Variants in CYP27C1 observed in about 807,000 individuals in gnomAD.
The protein encoded by CYP27C1 is cytochrome P450 27C1.
In CYP27C1, 29 loss-of-function variants were observed where a neutral mutation model predicts 40.6. That is an observed-to-expected ratio of 0.71 (90% confidence interval 0.53 to 0.97). CYP27C1 has a LOEUF of 0.97. CYP27C1 is among the 50% of genes least tolerant of loss of function. The pLI is 0.00. For missense variants in CYP27C1, 390 were observed against 485.8 expected (o/e 0.80, Z 1.85); for synonymous variants, 198 against 186.8 (o/e 1.06, Z -0.49).
rs2089109 is a variant in CYP27C1 at position 127,193,882 on chromosome 2, G to A, written c.1215-15C>T. ...CTGGAAACAGCCTGGAAAAGAGCCA[G>A]CGGGGACGGGAATGGCGTGGTGACT... On this transcript the variant is annotated splice_polypyrimidine_tract_variant and intron_variant, in intron 6 of 8. Transcript: ENST00000664447. The A allele has an allele frequency of 0.42, 682,414 of 1,613,104 alleles. 148,039 individuals are homozygous for A. Among genetic ancestry groups the A allele is most frequent in the Admixed American group, 0.62 (37,168 of 59,916 alleles).
chr2:127,188,273 C>T (rs890307244), intron 8 of CYP27C1, among the ~76,000 whole-genome samples: 1 of 152,196 alleles, frequency 6.6e-6, no homozygotes, highest in Non-Finnish European at 1.5e-5. Flanking sequence ...CCAGAATGGG[C>T]TGGGGCTCCA....
intron 3 of CYP27C1, among the ~76,000 whole-genome samples, chr2:127,202,524 G>A (rs138035500): frequency 2.6e-5 from 4 of 152,248 alleles, no homozygotes; most frequent in East Asian, 1.9e-4. Context: ...ATTCACATGC[G>A]TTTTTCTGTA....
intron 2 of CYP27C1, among the ~76,000 whole-genome samples, chr2:127,204,594 A>AAGCAAGC (rs1558931487): frequency 6.2e-5 from 6 of 96,086 alleles, no homozygotes; most frequent in African/African-American, 2.3e-4. Context: ...AGAAAGAAAG[A>AAGCAAGC]AAGAAAGAAA....
Position 127,184,943 on chromosome 2 carries a change from C to G in CYP27C1, c.*2328G>C, listed in dbSNP as rs1682584643. ...TAAGCAATCCTCCAGCCTCAGCCTC[C>G]CAAATAGCTAGGACTACAGGCATGC... On this transcript the variant is annotated 3_prime_UTR_variant, in exon 9 of 9. Transcript: ENST00000664447. 1 of 152,290 alleles carries G rather than the reference C, an allele frequency of 6.6e-6. No homozygotes were observed. The highest frequency in any genetic ancestry group is 2.1e-4 in the South Asian group (1 of 4,836). The allele number at this position is 152,290 out of a possible 1,614,324, so 9.4% of individuals were successfully genotyped here. A position where few individuals can be genotyped will look rare whatever the true frequency, so the allele number is the denominator to read the frequency against.
chr2:127,219,176 T>A lies in CYP27C1; in HGVS notation c.282+813A>T, dbSNP rs1034027608. Among the ~76,000 whole-genome samples the A allele has an allele frequency of 2.0e-5, 3 of 151,880 alleles. No individual in the cohort carries two copies. Among genetic ancestry groups the A allele is most frequent in the African/African-American group, 4.8e-5 (2 of 41,298 alleles). Reference sequence around the variant, plus strand: ...ATGAATACACACGGTCTCGGCCACCTAAGGACACCGAGCTCCGCAGAGCCT... The same window carrying A: ...ATGAATACACACGGTCTCGGCCACCAAAGGACACCGAGCTCCGCAGAGCCT... On this transcript the variant is annotated intron_variant, in intron 1 of 8. Coordinates refer to ENST00000664447, the MANE Select transcript of CYP27C1 (RefSeq NM_001367502.1). The surrounding 1 kb of genome is among the most constrained non-coding windows in gnomAD (Gnocchi z 8.7).
chr2:127,195,708 G>GT lies in CYP27C1; in HGVS notation c.1048-208dup, dbSNP rs2104679866. ...TAAATAAATAAATAAATAACTGAAC[G>GT]TATTTGGCAAGTGACATTGACTCTA... is the stretch of plus-strand genomic sequence containing the variant. On this transcript the variant is annotated intron_variant, in intron 5 of 8. Coordinates refer to ENST00000664447, the MANE Select transcript of CYP27C1 (RefSeq NM_001367502.1). This position sits in a 1 kb window ranked among gnomAD's most constrained non-coding sequence, Gnocchi z 6.2. Among the ~76,000 whole-genome samples the GT allele has an allele frequency of 6.6e-6, 1 of 152,206 alleles. No homozygotes were observed. The highest frequency in any genetic ancestry group is 2.4e-5 in the African/African-American group (1 of 41,532).
At chr2:127,193,370 C>G in intron 7 of CYP27C1, 73 bp from the exon 8 acceptor site, 1 of 1,582,594 alleles carries the variant, frequency 6.3e-7, no homozygotes, top group Non-Finnish European at 8.6e-7. Flanking sequence ...GCCCAGAGCC[C>G]TAGCCGGACA....
Position 127,204,302 on chromosome 2 carries a change from A to AAAGG in CYP27C1, c.474-735_474-732dup, listed in dbSNP as rs758547817. 4.3e-3 allele frequency among the ~76,000 whole-genome samples: 328 copies of AAAGG among 76,602 alleles called. 4 individuals are homozygous for AAAGG. The highest frequency in any genetic ancestry group is 5.9e-3 in the Non-Finnish European group (252 of 42,794). 50.3% of individuals were successfully genotyped at this position (76,602 alleles called of 152,430 possible). A position where few individuals can be genotyped will look rare whatever the true frequency, so the allele number is the denominator to read the frequency against. ...AAAGAAAGAGAGAGAGAGAGAGAGA[A>AAAGG]AAGGAAGGAAGGAAGGAAGGAGGGA... On this transcript the variant is annotated intron_variant, in intron 2 of 8. Coordinates refer to ENST00000664447, the MANE Select transcript of CYP27C1 (RefSeq NM_001367502.1).
At chr2:127,199,727 A>T (rs1318196304) in intron 4 of CYP27C1, among the ~76,000 whole-genome samples, 188 bp from the exon 5 acceptor site, 2 of 152,250 alleles carry the variant, frequency 1.3e-5, no homozygotes, top group Non-Finnish European at 2.9e-5. Context: ...ATGAATGAAA[A>T]GTTAAAAGAC....
chr2:127,198,211 A>ACACACG (rs1276568709), intron 5 of CYP27C1, among the ~76,000 whole-genome samples: 1 of 151,362 alleles, frequency 6.6e-6, no homozygotes, highest in African/African-American at 2.4e-5. Flanking sequence ...ACACACACAC[A>ACACACG]CACGCACTCA....
intron 8 of CYP27C1, 83 bp from the exon 9 acceptor site, chr2:127,187,470 G>T: frequency 8.0e-7 from 1 of 1,243,888 alleles, no homozygotes; most frequent in Non-Finnish European, 1.2e-6. Context: ...TACTCTTCCT[G>T]TGGCGGCACT....
At position 127,214,825 on chromosome 2, in the gene CYP27C1, A is replaced by T. The variant is rs577388747; in HGVS notation, c.282+5164T>A. ...GGTTTTTTTTTTTTTAGAGGAAATT[A>T]AAAAAAAAAAGACTTAGTACAGGCC... On this transcript the variant is annotated intron_variant, in intron 1 of 8. Coordinates refer to ENST00000664447, the MANE Select transcript of CYP27C1 (RefSeq NM_001367502.1). Among the ~76,000 whole-genome samples, 15 of 127,018 alleles carry T rather than the reference A, an allele frequency of 1.2e-4. No homozygotes were observed. In the South Asian group the frequency reaches 2.3e-3, roughly 20 times the overall value. 83.3% of individuals were successfully genotyped at this position (127,018 alleles called of 152,430 possible).
chr2:127,215,128 CAAAAA>C (rs3033461), intron 1 of CYP27C1, among the ~76,000 whole-genome samples: 1 of 120,984 alleles, frequency 8.3e-6, no homozygotes. Context: ...GACTCCATCT[CAAAAA>C]AAAAAAAAAA....
At position 127,196,040 on chromosome 2, in the gene CYP27C1, A is replaced by G. The variant is rs905755309; in HGVS notation, c.1048-539T>C. ...AGTAAGGTCCACACAGAGCAAGTCA[A>G]TAACTCGTCTATGCAAAGCAGTGTC... On this transcript the variant is annotated intron_variant, in intron 5 of 8. Transcript: ENST00000664447. The surrounding 1 kb of genome is among the most constrained non-coding windows in gnomAD (Gnocchi z 4.5). Among the ~76,000 whole-genome samples, 5 of 151,234 alleles carry G rather than the reference A, an allele frequency of 3.3e-5. No individual in the cohort carries two copies. The highest frequency in any genetic ancestry group is 5.9e-5 in the Non-Finnish European group (4 of 67,932).
intron 2 of CYP27C1, 60 bp downstream of exon 2, chr2:127,205,839 AG>A (rs566452293): frequency 1.6e-5 from 13 of 808,658 alleles, no homozygotes; most frequent in Non-Finnish European, 1.9e-5. Context: ...GCTTTGGAGG[AG>A]GGGGCCTCCC....
intron 8 of CYP27C1, among the ~76,000 whole-genome samples, chr2:127,190,890 G>A (rs747714964): frequency 1.9e-4 from 27 of 143,090 alleles, no homozygotes; most frequent in African/African-American, 5.2e-4. Context: ...GAGTTGCAGC[G>A]ACCCGAGATT....
chr2:127,187,524 T>C (rs1029349622), intron 8 of CYP27C1, 137 bp from the exon 9 acceptor site: 16 of 705,960 alleles, frequency 2.3e-5, no homozygotes, highest in Admixed American at 4.9e-5. Flanking sequence ...ATCCAGCTTT[T>C]GGAGGCTACA....
At chr2:127,216,021 T>C (rs1683424225) in intron 1 of CYP27C1, among the ~76,000 whole-genome samples, 1 of 152,090 alleles carries the variant, frequency 6.6e-6, no homozygotes, top group Admixed American at 6.5e-5. Flanking sequence ...ATGGCCATAA[T>C]CAAAAGGACA....
At chr2:127,212,560 A>G (rs1683359073) in intron 1 of CYP27C1, among the ~76,000 whole-genome samples, 1 of 152,262 alleles carries the variant, frequency 6.6e-6, no homozygotes, top group Non-Finnish European at 1.5e-5. Context: ...AACCAAGGAC[A>G]AAAACTACAT....
Sources: gnomAD v4.1 joint callset for allele counts (sites outside exome capture counted in the v4.1 genomes callset) on GRCh38, gnomAD v4.1.1 for gene constraint, Gnocchi (gnomAD v3.1) non-coding constraint, MANE v1.5 for transcripts, NCBI Gene and HGNC (gene_info 2026-07-23, HGNC 2026-07-21) for gene names.